Variants in TNNI3K observed in about 807,000 individuals in gnomAD.
The protein encoded by TNNI3K is serine/threonine-protein kinase TNNI3K.
In TNNI3K, 140 loss-of-function variants were observed where a neutral mutation model predicts 114.5. That is an observed-to-expected ratio of 1.22 (90% CI 1.07 to 1.41). The LOEUF (loss-of-function observed/expected upper bound fraction) is 1.41, where lower values mean the gene tolerates loss of function less well. Ranked by LOEUF, TNNI3K falls within the 40% of genes most tolerant of loss-of-function variation. The pLI, the probability that TNNI3K is intolerant of heterozygous loss-of-function variation, is 0.00. For synonymous variants in TNNI3K, 347 were observed against 347.5 expected, an observed-to-expected ratio of 1.00 and a Z score of 0.02; for missense variants, 1,125 against 1,007.6, an observed-to-expected ratio of 1.12 and a Z score of -1.58.
intron 17 of TNNI3K, among the ~76,000 whole-genome samples, chr1:74,393,778 A>T (rs886157558): frequency 2.6e-5 from 4 of 152,154 alleles, no homozygotes; most frequent in African/African-American, 9.7e-5. Context: ...TAGTTTCAGG[A>T]TGAAACTATT....
At chr1:74,378,894 G>A (rs1663058397) in intron 17 of TNNI3K, 1 of 151,504 alleles carries the variant, frequency 6.6e-6, no homozygotes, top group South Asian at 2.1e-4. Context: ...ATAGGTGTCT[G>A]AGTAATGGTT....
At chr1:74,475,123 C>CACAT (rs1163466503) in intron 21 of TNNI3K, among the ~76,000 whole-genome samples, 1 of 147,308 alleles carries the variant, frequency 6.8e-6, no homozygotes, top group African/African-American at 2.6e-5. Context: ...AGCCCACACA[C>CACAT]ACACACACAC....
At chr1:74,493,679 C>T (rs45541844) in intron 23 of TNNI3K, among the ~76,000 whole-genome samples, 5,042 of 152,222 alleles carry the variant, frequency 0.033, 284 homozygotes, top group African/African-American at 0.12. Flanking sequence ...CTACAGATTG[C>T]GTTCAGGTCT....
intron 17 of TNNI3K, among the ~76,000 whole-genome samples, chr1:74,404,217 G>A (rs543998435): frequency 6.6e-6 from 1 of 152,172 alleles, no homozygotes; most frequent in Non-Finnish European, 1.5e-5. Flanking sequence ...GGGTAAATCA[G>A]AATTTATATC....
intron 17 of TNNI3K, among the ~76,000 whole-genome samples, chr1:74,405,633 C>G (rs925005331): frequency 6.6e-6 from 1 of 152,024 alleles, no homozygotes; most frequent in African/African-American, 2.4e-5. Flanking sequence ...ACAGAACCAA[C>G]TGGCACATCA....
intron 17 of TNNI3K, among the ~76,000 whole-genome samples, chr1:74,433,628 T>C (rs896132022): frequency 6.6e-6 from 1 of 152,144 alleles, no homozygotes; most frequent in African/African-American, 2.4e-5. Flanking sequence ...ATTATTGCTA[T>C]GAACTCTCAT....
rs1481817209 is a variant in TNNI3K at position 74,466,561 on chromosome 1, A to AT, written c.2121+3012dup. 2.6e-5 allele frequency among the ~76,000 whole-genome samples: 4 copies of AT among 152,214 alleles called. 1 individual carries two copies. Among genetic ancestry groups the AT allele is most frequent in the African/African-American group, 9.6e-5 (4 of 41,456 alleles). ...TCAGCACGGAGTCTTTGTTCTGCTG[A>AT]TGAGATGAAGAGGGGAAGATGAAGA... On this transcript the variant is annotated intron_variant, in intron 21 of 24. Coordinates refer to ENST00000326637, the MANE Select transcript of TNNI3K (RefSeq NM_015978.3).
intron 9 of TNNI3K, among the ~76,000 whole-genome samples, chr1:74,347,809 G>A (rs1251153288): frequency 1.3e-5 from 2 of 152,172 alleles, no homozygotes; most frequent in Non-Finnish European, 2.9e-5. Flanking sequence ...CTTTTGAGAA[G>A]TGTCTGTTCA....
At chr1:74,502,398 T>A (rs1669678200) in intron 23 of TNNI3K, among the ~76,000 whole-genome samples, 1 of 152,196 alleles carries the variant, frequency 6.6e-6, no homozygotes, top group African/African-American at 2.4e-5. Context: ...TTTCTATTTT[T>A]TAGATAAAAC....
At chr1:74,517,133 A>G (rs1201618158) in intron 23 of TNNI3K, among the ~76,000 whole-genome samples, 2 of 152,152 alleles carry the variant, frequency 1.3e-5, no homozygotes, top group Non-Finnish European at 2.9e-5. Flanking sequence ...TATTACACAA[A>G]TCATTCTCAA....
At chr1:74,303,364 T>C (rs1054005081) in intron 5 of TNNI3K, among the ~76,000 whole-genome samples, 9 of 152,014 alleles carry the variant, frequency 5.9e-5, no homozygotes, top group Admixed American at 4.6e-4. Context: ...AGGGTTTCGC[T>C]ATGTTGGCCA....
chr1:74,306,330 G>T (rs1475975215), intron 5 of TNNI3K, among the ~76,000 whole-genome samples: 1 of 152,092 alleles, frequency 6.6e-6, no homozygotes, highest in African/African-American at 2.4e-5. Flanking sequence ...ATTGTGCTAT[G>T]ATAAACATAT....
At chr1:74,482,406 G>A (rs1413575388) in intron 21 of TNNI3K, among the ~76,000 whole-genome samples, 1 of 152,198 alleles carries the variant, frequency 6.6e-6, no homozygotes, top group African/African-American at 2.4e-5. Flanking sequence ...AAAAATAAAT[G>A]TAGTGAAGTC....
At chr1:74,377,604 C>A (rs1371796521) in intron 17 of TNNI3K, among the ~76,000 whole-genome samples, 1 of 151,914 alleles carries the variant, frequency 6.6e-6, no homozygotes, top group Non-Finnish European at 1.5e-5. Flanking sequence ...GAGAAGGATT[C>A]ATATATATGT....
At chr1:74,363,971 G>GTATTATTATTATTATTAT (rs368456076) in intron 11 of TNNI3K, among the ~76,000 whole-genome samples, 12 of 135,504 alleles carry the variant, frequency 8.9e-5, no homozygotes, top group African/African-American at 1.7e-4. Context: ...CAGATGAGGG[G>GTATTATTATTATTATTAT]TATTATTATT....
chr1:74,318,633 C>T (rs2100375155), intron 5 of TNNI3K, among the ~76,000 whole-genome samples: 1 of 152,346 alleles, frequency 6.6e-6, no homozygotes, highest in South Asian at 2.1e-4. Context: ...ATAGCTTTCT[C>T]TTTCTTCCCC....
chr1:74,267,289 T>C (rs1656053651), intron 4 of TNNI3K, among the ~76,000 whole-genome samples: 1 of 151,966 alleles, frequency 6.6e-6, no homozygotes, highest in South Asian at 2.1e-4. Flanking sequence ...TGCTGACTCT[T>C]AAAATTATTC....
chr1:74,368,718 A>G (rs1390003951), intron 13 of TNNI3K, among the ~76,000 whole-genome samples: 1 of 151,798 alleles, frequency 6.6e-6, no homozygotes, highest in East Asian at 2.0e-4. Context: ...ATAGACCCTT[A>G]GCGCTGGTAA....
At chr1:74,385,566 A>G (rs1400729302) in intron 17 of TNNI3K, among the ~76,000 whole-genome samples, 1 of 152,240 alleles carries the variant, frequency 6.6e-6, no homozygotes, top group Non-Finnish European at 1.5e-5. Context: ...CATCAAGGAT[A>G]TCAAAAACAA....
Sources: gnomAD v4.1 joint callset for allele counts (sites outside exome capture counted in the v4.1 genomes callset) on GRCh38, gnomAD v4.1.1 for gene constraint, MANE v1.5 for transcripts, NCBI Gene and HGNC (gene_info 2026-07-23, HGNC 2026-07-21) for gene names.